The following GPSM2 variants were observed in gnomAD, a reference collection of about 807,000 sequenced individuals.
The protein encoded by GPSM2 is G protein signaling modulator 2, also known as G protein-signaling modulator 2.
GPSM2 carries 58 observed loss-of-function variants against 78.4 expected under a neutral mutation model. The observed-to-expected ratio is 0.74, with a 90% CI of 0.60 to 0.92. The LOEUF is 0.92. Ranked by LOEUF, GPSM2 falls within the 40% of genes least tolerant of loss-of-function variation. The probability of loss-of-function intolerance (pLI) is 0.00; values close to 1 mark genes in which losing one functional copy is unlikely to be tolerated. For missense variants in GPSM2, 700 were observed against 815.5 expected, an observed-to-expected ratio of 0.86 and a Z score of 1.73; for synonymous variants, 224 against 280.2, an observed-to-expected ratio of 0.80 and a Z score of 2.00.
chr1:108,903,301 C>A, intron 9 of GPSM2, 67 bp downstream of exon 9: 2 of 829,228 alleles, frequency 2.4e-6, no homozygotes, highest in Non-Finnish European at 2.1e-6. Flanking sequence ...GGGGAGGGAA[C>A]CCTATTTCTC....
intron 2 of GPSM2, among the ~76,000 whole-genome samples, chr1:108,892,024 G>A (rs763206221): frequency 3.3e-5 from 5 of 152,092 alleles, no homozygotes; most frequent in African/African-American, 4.8e-5. Flanking sequence ...GATGAAATTT[G>A]TTTATTGGGG....
intron 2 of GPSM2, among the ~76,000 whole-genome samples, chr1:108,889,990 A>G (rs889603057): frequency 4.6e-5 from 7 of 152,122 alleles, no homozygotes; most frequent in African/African-American, 9.7e-5. Flanking sequence ...GCTATGCCCT[A>G]TGTTGAACTC....
Position 108,896,854 on chromosome 1 carries a change from A to G in GPSM2, c.57-10A>G, listed in dbSNP as rs184863735. ...TTATGTTTAAATGTCTGTCCTGTAT[A>G]ATTTTGTAGAATGGAAGCTTCTTGC... On this transcript the variant is annotated splice_polypyrimidine_tract_variant and intron_variant, in intron 2 of 14. Transcript: ENST00000264126. The G allele has an allele frequency of 8.4e-5, 133 of 1,588,394 alleles. No homozygotes were observed. In the Middle Eastern group the frequency reaches 1.2e-3, roughly 14 times the overall value.
intron 10 of GPSM2, among the ~76,000 whole-genome samples, chr1:108,904,559 A>G (rs1649086048): frequency 6.6e-6 from 1 of 151,388 alleles, no homozygotes; most frequent in South Asian, 2.1e-4. Context: ...TAAATTCTCT[A>G]TCTCTAAGCT....
chr1:108,917,253 C>T (rs1477790429), intron 11 of GPSM2, among the ~76,000 whole-genome samples: 1 of 152,068 alleles, frequency 6.6e-6, no homozygotes, highest in Non-Finnish European at 1.5e-5. Context: ...GCTTGGTTCA[C>T]TTACTAGCTA....
In GPSM2 at chr1:108,897,540, A is replaced by T; in HGVS notation, c.327A>T (p.Gly109=). Residue 109 remains glycine (G), a synonymous_variant, in exon 4 of 15, where the codon GGA becomes GGT. Coordinates refer to ENST00000264126, the MANE Select transcript of GPSM2 (RefSeq NM_013296.5). The stretch of plus-strand genomic sequence containing the variant: ...AAGCGAAAGCTAGTGGTAATCTGGG[A>T]AACACCTTAAAAGTTCTTGGGAATT... ...LGEAKASGNL[G]NTLKVLGNFD... 6.2e-7 allele frequency: 1 copy of T among 1,613,614 alleles called. No homozygotes were observed. The highest frequency in any genetic ancestry group is 8.5e-7 in the Non-Finnish European group (1 of 1,179,692).
At chr1:108,929,535 A>G in intron 14 of GPSM2, 166 bp from the exon 15 acceptor site, 1 of 665,876 alleles carries the variant, frequency 1.5e-6, no homozygotes, top group South Asian at 1.9e-5. Context: ...TCTTTCAGAA[A>G]TCAGGCTGGG....
intron 10 of GPSM2, among the ~76,000 whole-genome samples, chr1:108,913,573 T>TTTCAAAAGCAATATAGC (rs1649941523): frequency 1.3e-5 from 2 of 152,200 alleles, no homozygotes; most frequent in Non-Finnish European, 2.9e-5. Context: ...ACCAATATAG[T>TTTCAAAAGCAATATAGC]TTCAAAAGCA....
chr1:108,928,174 C>A (rs1305230811), intron 14 of GPSM2, among the ~76,000 whole-genome samples: 1 of 152,144 alleles, frequency 6.6e-6, no homozygotes, highest in Non-Finnish European at 1.5e-5. Context: ...AGGATTAATA[C>A]CCAGAATATA....
At position 108,922,574 on chromosome 1, in the gene GPSM2, AAAGT is replaced by A. The variant is rs750981446; in HGVS notation, c.1600+3_1600+6del. The A allele has an allele frequency of 1.2e-6, 2 of 1,610,764 alleles. No homozygotes were observed. Among genetic ancestry groups the A allele is most frequent in the Non-Finnish European group, 1.7e-6 (2 of 1,177,094 alleles). ...TCCACTCCCCCTAAAATGATGCTAA[AAAGT>A]AAGTCATCTCTGTTTCTCCCCCGAT... On this transcript the variant is annotated splice_donor_variant and coding_sequence_variant, in exon 13 of 15. Coordinates refer to ENST00000264126, the MANE Select transcript of GPSM2 (RefSeq NM_013296.5). LOFTEE classifies it high-confidence loss of function.
At chr1:108,883,136 G>A (rs1190386046) in intron 1 of GPSM2, among the ~76,000 whole-genome samples, 2 of 152,196 alleles carry the variant, frequency 1.3e-5, no homozygotes, top group Admixed American at 6.5e-5. Flanking sequence ...GATAAGAGGA[G>A]TACTATTTTG....
chr1:108,898,391 C>T (rs1648544015), intron 5 of GPSM2, among the ~76,000 whole-genome samples: 1 of 152,186 alleles, frequency 6.6e-6, no homozygotes. Flanking sequence ...CATAGAACTA[C>T]TTAACTATAG....
rs1651697326 is a variant in GPSM2, at chr1:108,930,280, ATCT to A, written c.*342_*344del. The A allele has an allele frequency of 4.8e-6, 1 of 206,704 alleles. No individual in the cohort carries two copies. Among genetic ancestry groups the A allele is most frequent in the South Asian group, 1.3e-4 (1 of 7,920 alleles). The allele number at this position is 206,704 out of a possible 1,614,324, so 12.8% of individuals were successfully genotyped here. ...ACTCTTATGGAAATAATTTTTTAACATCTTAATTGACAATGGCGTTTTTTTATA... is the reference window on the plus strand; with the variant it reads ...ACTCTTATGGAAATAATTTTTTAACATAATTGACAATGGCGTTTTTTTATA... On this transcript the variant is annotated 3_prime_UTR_variant, in exon 15 of 15. Transcript: ENST00000264126.
chr1:108,922,804 C>T (rs568946954), intron 13 of GPSM2, among the ~76,000 whole-genome samples: 4 of 152,162 alleles, frequency 2.6e-5, no homozygotes, highest in Non-Finnish European at 4.4e-5. Context: ...TATACTACCT[C>T]CCTAGTTTTC....
chr1:108,896,291 A>C (rs1336366171), intron 2 of GPSM2, among the ~76,000 whole-genome samples: 1 of 152,056 alleles, frequency 6.6e-6, no homozygotes, highest in Non-Finnish European at 1.5e-5. Context: ...ACAGATCAAG[A>C]ATATTTTGTT....
chr1:108,902,078 C>A, intron 8 of GPSM2, 133 bp downstream of exon 8: 2 of 673,018 alleles, frequency 3.0e-6, no homozygotes, highest in Admixed American at 4.3e-5. Flanking sequence ...TCAGTGATAT[C>A]CTCTGTATAT....
chr1:108,926,470 T>C (rs1428752987), intron 14 of GPSM2: 1 of 152,174 alleles, frequency 6.6e-6, no homozygotes, highest in Non-Finnish European at 1.5e-5. Context: ...ATATCCTTCA[T>C]GAATCCAGAT....
At chr1:108,914,487 TTAAA>T in intron 11 of GPSM2, 79 bp downstream of exon 11, 1 of 1,050,756 alleles carries the variant, frequency 9.5e-7, no homozygotes, top group Non-Finnish European at 1.4e-6. Flanking sequence ...ATGAAATAAT[TTAAA>T]TAAGGCTTGC....
intron 13 of GPSM2, among the ~76,000 whole-genome samples, chr1:108,923,645 C>T (rs1430003867): frequency 2.0e-5 from 3 of 152,242 alleles, no homozygotes; most frequent in Non-Finnish European, 4.4e-5. Context: ...CACTGTCCTA[C>T]ACAACCTGGT....
Sources: gnomAD v4.1 joint callset for allele counts (sites outside exome capture counted in the v4.1 genomes callset) on GRCh38, gnomAD v4.1.1 for gene constraint, MANE v1.5 for transcripts, NCBI Gene and HGNC (gene_info 2026-07-23, HGNC 2026-07-21) for gene names.